FAM114A1: variants seen among roughly 807,000 people sequenced by gnomAD.
The protein encoded by FAM114A1 is family with sequence similarity 114 member A1.
In FAM114A1, 62 loss-of-function variants were observed where a neutral mutation model predicts 64.3. The ratio of observed to expected loss-of-function variants is 0.96; its 90% CI spans 0.79 to 1.19. The LOEUF (loss-of-function observed/expected upper bound fraction) is 1.19. Among genes scored for constraint, FAM114A1 ranks in the 50% most tolerant of loss-of-function variants. The pLI is 0.00. For synonymous variants in FAM114A1, 254 were observed against 251.1 expected, an observed-to-expected ratio of 1.01 and a Z score of -0.11; for missense variants, 645 against 676.3, an observed-to-expected ratio of 0.95 and a Z score of 0.51.
intron 11 of FAM114A1, among the ~76,000 whole-genome samples, chr4:38,931,961 AC>A (rs1720678144): frequency 6.6e-6 from 1 of 152,018 alleles, no homozygotes; most frequent in Non-Finnish European, 1.5e-5. Context: ...CCTTCCACAC[AC>A]CTTCTTTAGC....
chr4:38,874,318 A>C (rs1056007658), intron 2 of FAM114A1, among the ~76,000 whole-genome samples: 1 of 152,172 alleles, frequency 6.6e-6, no homozygotes, highest in Non-Finnish European at 1.5e-5. Context: ...TATTCTTGAG[A>C]GGGTGAAAGC....
At chr4:38,896,648 G>A (rs770203670) in intron 4 of FAM114A1, among the ~76,000 whole-genome samples, 5 of 152,210 alleles carry the variant, frequency 3.3e-5, no homozygotes, top group Non-Finnish European at 7.3e-5. Flanking sequence ...TTCCTGATCT[G>A]TGGTCTATGT....
intron 9 of FAM114A1, among the ~76,000 whole-genome samples, chr4:38,924,809 C>T (rs1719956428): frequency 6.6e-6 from 1 of 152,146 alleles, no homozygotes; most frequent in Non-Finnish European, 1.5e-5. Context: ...ATAGATGCCC[C>T]TTTCCCAGAC....
chr4:38,936,669 CA>C, intron 13 of FAM114A1, among the ~76,000 whole-genome samples: 1 of 151,624 alleles, frequency 6.6e-6, no homozygotes, highest in East Asian at 1.9e-4. Flanking sequence ...TCTCCTGCCT[CA>C]GCCTCCAAAG....
chr4:38,894,836 C>T (rs770252949), intron 4 of FAM114A1, among the ~76,000 whole-genome samples: 5 of 152,172 alleles, frequency 3.3e-5, no homozygotes, highest in Non-Finnish European at 7.3e-5. Context: ...CTGAAAACAA[C>T]ATGCATTCAT....
intron 8 of FAM114A1, among the ~76,000 whole-genome samples, chr4:38,918,785 C>A (rs142282223): frequency 6.6e-5 from 10 of 152,104 alleles, no homozygotes; most frequent in Non-Finnish European, 5.9e-5. Context: ...ATGGCAAAAC[C>A]CTGTCTCAAA....
At chr4:38,938,420 C>T (rs1721289792) in intron 13 of FAM114A1, 1 of 152,226 alleles carries the variant, frequency 6.6e-6, no homozygotes, top group Non-Finnish European at 1.5e-5. Flanking sequence ...ATCTGACCTG[C>T]TTCTCCTATT....
At chr4:38,931,380 T>C (rs1360494692) in intron 10 of FAM114A1, 71 bp from the exon 11 acceptor site, 11 of 1,510,346 alleles carry the variant, frequency 7.3e-6, no homozygotes, top group South Asian at 6.8e-5. Flanking sequence ...TTGATTCTAG[T>C]CTTGGGGTTG....
chr4:38,933,400 C>A (rs1298339346), intron 12 of FAM114A1, among the ~76,000 whole-genome samples: 1 of 152,164 alleles, frequency 6.6e-6, no homozygotes, highest in Admixed American at 6.6e-5. Context: ...ACAAAATAGG[C>A]AAATACACTC....
chr4:38,941,648 A>G (rs1296256220), intron 14 of FAM114A1, among the ~76,000 whole-genome samples: 1 of 152,226 alleles, frequency 6.6e-6, no homozygotes. Flanking sequence ...TCATTCTTGA[A>G]TCATAGGCAC....
At chr4:38,872,779 T>C (rs961179145) in intron 2 of FAM114A1, among the ~76,000 whole-genome samples, 4 of 152,212 alleles carry the variant, frequency 2.6e-5, no homozygotes, top group Non-Finnish European at 5.9e-5. Flanking sequence ...TTGCAGCCCA[T>C]ATGGCCTGTG....
intron 4 of FAM114A1, among the ~76,000 whole-genome samples, chr4:38,898,928 T>C (rs1717217558): frequency 6.8e-6 from 1 of 147,904 alleles, no homozygotes; most frequent in Non-Finnish European, 1.5e-5. Flanking sequence ...ATATGTTATA[T>C]ATATGTTATA....
intron 3 of FAM114A1, among the ~76,000 whole-genome samples, chr4:38,880,886 T>C (rs146163130): frequency 0.013 from 1,966 of 152,300 alleles, 47 homozygotes; most frequent in African/African-American, 0.044. Context: ...GGACTGTTCA[T>C]GAAGATAGCA....
At chr4:38,907,247 G>A (rs1186062534) in intron 6 of FAM114A1, among the ~76,000 whole-genome samples, 1 of 152,162 alleles carries the variant, frequency 6.6e-6, no homozygotes, top group East Asian at 1.9e-4. Context: ...CCCCCGTGGG[G>A]GGTTTGTAGG....
intron 9 of FAM114A1, among the ~76,000 whole-genome samples, chr4:38,927,793 C>T (rs1293376576): frequency 1.3e-5 from 2 of 152,204 alleles, no homozygotes; most frequent in African/African-American, 4.8e-5. Context: ...AAGTGATTCT[C>T]CTGCCTCAGC....
At chr4:38,911,221 G>A (rs943562718) in intron 7 of FAM114A1, among the ~76,000 whole-genome samples, 1 of 152,164 alleles carries the variant, frequency 6.6e-6, no homozygotes, top group African/African-American at 2.4e-5. Context: ...AAGAGAAGAG[G>A]GTGAGAAAAA....
chr4:38,903,768 A>T (rs1400911699), intron 4 of FAM114A1, among the ~76,000 whole-genome samples: 2 of 152,188 alleles, frequency 1.3e-5, no homozygotes, highest in Admixed American at 1.3e-4. Flanking sequence ...ATTAATTTGA[A>T]CTGTGTCTAA....
intron 9 of FAM114A1, among the ~76,000 whole-genome samples, chr4:38,923,679 T>C (rs958536352): frequency 3.3e-5 from 5 of 152,248 alleles, no homozygotes; most frequent in African/African-American, 1.2e-4. Flanking sequence ...TGTCCTACGC[T>C]CTACCTAAAA....
intron 4 of FAM114A1, among the ~76,000 whole-genome samples, chr4:38,903,088 C>T (rs1231756664): frequency 2.0e-5 from 3 of 151,784 alleles, no homozygotes; most frequent in Admixed American, 6.6e-5. Flanking sequence ...GGTACTTTCC[C>T]TAACAAAAAA....
Sources: gnomAD v4.1 joint callset for allele counts (sites outside exome capture counted in the v4.1 genomes callset) on GRCh38, gnomAD v4.1.1 for gene constraint, MANE v1.5 for transcripts, NCBI Gene and HGNC (gene_info 2026-07-23, HGNC 2026-07-21) for gene names.